LBX2: variants seen among roughly 807,000 people sequenced by gnomAD.
The protein encoded by LBX2 is transcription factor LBX2.
LBX2 carries 6 observed loss-of-function variants against 7.5 expected under a neutral mutation model. The ratio of observed to expected loss-of-function variants is 0.80; its 90% confidence interval spans 0.44 to 1.59. The LOEUF (loss-of-function observed/expected upper bound fraction) is 1.59. LBX2 is among the 40% of genes most tolerant of loss of function. The pLI, the probability that LBX2 is intolerant of heterozygous loss-of-function variation, is 0.01. For synonymous variants in LBX2, 143 were observed against 133.2 expected (o/e 1.07, Z -0.51); for missense variants, 281 against 282.0 (o/e 1.00, Z 0.03).
Position 74,499,356 on chromosome 2 carries a change from G to T in LBX2, c.182C>A (p.Ala61Glu). ...ACCTTCAGAGGGCTGCAGAGCGCGC[G>T]CGTCAAGTCCGCGGAAAGTTTTACT... Reference protein sequence around the residue: ...LTSKTFRGLDARALQPSEGRA... With the variant: ...LTSKTFRGLDERALQPSEGRA... The change falls in exon 1 of 2, where the codon GCG (alanine) becomes GAG (glutamate). Residue 61 changes from alanine (A) to glutamate (E), a missense_variant. Around this residue, in one of 3 missense-constraint regions of LBX2, gnomAD observed 216 missense variants for 208.7 expected, o/e 1.03. Transcript: ENST00000377566. This position sits in a 1 kb window ranked among gnomAD's most constrained non-coding sequence, Gnocchi z 4.6. The T allele has an allele frequency of 6.4e-7, 1 of 1,550,620 alleles. No homozygotes were observed. The highest frequency in any genetic ancestry group is 8.7e-7 in the Non-Finnish European group (1 of 1,146,988).
At chr2:74,502,377 G>A (rs1674502556), upstream of LBX2, 1 of 452,652 alleles carries the variant, frequency 2.2e-6, no homozygotes, top group Non-Finnish European at 3.9e-6. This position sits in a 1 kb window ranked among gnomAD's most constrained non-coding sequence, Gnocchi z 5.4. Flanking sequence ...TGCCGGCCCG[G>A]ACATTCCACT....
chr2:74,503,181 TCTCC>T (rs1650051688), upstream of LBX2: 2 of 301,936 alleles, frequency 6.6e-6, no homozygotes, highest in South Asian at 1.2e-4. This position sits in a 1 kb window ranked among gnomAD's most constrained non-coding sequence, Gnocchi z 5.1. Flanking sequence ...TGGGCGTGAT[TCTCC>T]CTCCCTGGCA....
At chr2:74,500,267 C>G (rs539474729), upstream of LBX2, among the ~76,000 whole-genome samples, 26 of 152,074 alleles carry the variant, frequency 1.7e-4, no homozygotes, top group South Asian at 2.9e-3. Flanking sequence ...GAGAAGCTGC[C>G]GGGAGACCCG....
chr2:74,502,043 T>G (rs1478101918), upstream of LBX2: 1 of 151,652 alleles, frequency 6.6e-6, no homozygotes, highest in Non-Finnish European at 1.5e-5. The surrounding 1 kb of genome is among the most constrained non-coding windows in gnomAD (Gnocchi z 5.4). Flanking sequence ...GTTTTCCTTT[T>G]CAGGCAGTCT....
At position 74,499,421 on chromosome 2, in the gene LBX2, C is replaced by G. The variant is rs1175547721; in HGVS notation, c.117G>C (p.Pro39=). The change falls in exon 1 of 2, where the codon CCG becomes CCC. Residue 39 remains proline, a synonymous_variant. Coordinates refer to ENST00000377566, the MANE Select transcript of LBX2 (RefSeq NM_001282430.2). The surrounding 1 kb of genome is among the most constrained non-coding windows in gnomAD (Gnocchi z 4.6). ...PSAPQLPESG[P]GPTSPLCALE... is the part of the protein sequence containing the mutation. ...GCGCGCACAGCGGCGACGTTGGACCCGGACCCGACTCTGGAAGCTGCGGCG... is the reference window on the plus strand; with the variant it reads ...GCGCGCACAGCGGCGACGTTGGACCGGGACCCGACTCTGGAAGCTGCGGCG... 5 of 1,550,630 alleles carry G rather than the reference C, an allele frequency of 3.2e-6. 1 individual carries two copies. Among genetic ancestry groups the G allele is most frequent in the South Asian group, 2.4e-5 (2 of 84,068 alleles).
chr2:74,499,561 G>C lies in LBX2; in HGVS notation c.-24C>G, dbSNP rs894571027. 1.9e-6 allele frequency: 3 copies of C among 1,540,132 alleles called. No individual in the cohort carries two copies. The highest frequency in any genetic ancestry group is 2.6e-6 in the Non-Finnish European group (3 of 1,140,328). ...ATGGTCGGCCGGGCTGGGGCGGTCC[G>C]GCTGTCCGTTGCGCTAGGCTCCGCA... On this transcript the variant is annotated 5_prime_UTR_variant, in exon 1 of 2. Transcript: ENST00000377566. This position sits in a 1 kb window ranked among gnomAD's most constrained non-coding sequence, Gnocchi z 4.6.
At position 74,499,589 on chromosome 2, in the gene LBX2, C is replaced by G; in HGVS notation, c.-52G>C. On this transcript the variant is annotated 5_prime_UTR_variant, in exon 1 of 2. Coordinates refer to ENST00000377566, the MANE Select transcript of LBX2 (RefSeq NM_001282430.2). This position sits in a 1 kb window ranked among gnomAD's most constrained non-coding sequence, Gnocchi z 4.6. ...TGTCCGTTGCGCTAGGCTCCGCAAA[C>G]GCCTGGGCCCCAGTGCTCGGCTCCC... The G allele has an allele frequency of 6.6e-7, 1 of 1,511,484 alleles. No homozygotes were observed. Among genetic ancestry groups the G allele is most frequent in the Non-Finnish European group, 8.9e-7 (1 of 1,122,068 alleles). The allele number at this position is 1,511,484 out of a possible 1,614,324, so 93.6% of individuals were successfully genotyped here. A position where few individuals can be genotyped will look rare whatever the true frequency, so the allele number is the denominator to read the frequency against.
upstream of LBX2, chr2:74,502,633 G>A (rs749890189): frequency 6.2e-7 from 1 of 1,600,526 alleles, no homozygotes; most frequent in South Asian, 1.1e-5. This position sits in a 1 kb window ranked among gnomAD's most constrained non-coding sequence, Gnocchi z 5.4. Flanking sequence ...CGCTACTGCG[G>A]AGTGAACCGG....
At chr2:74,498,881 C>T (rs929266726) in intron 1 of LBX2, 35 of 212,122 alleles carry the variant, frequency 1.6e-4, no homozygotes, top group Non-Finnish European at 2.7e-4. Flanking sequence ...AGTGCTGCGC[C>T]AAGGGCTTTC....
upstream of LBX2, chr2:74,499,681 G>C: frequency 1.2e-6 from 1 of 815,904 alleles, no homozygotes; most frequent in Non-Finnish European, 1.9e-6. This position sits in a 1 kb window ranked among gnomAD's most constrained non-coding sequence, Gnocchi z 4.6. Flanking sequence ...CCCTCCTCCT[G>C]CGCCCCCACC....
At position 74,497,727 on chromosome 2, in the gene LBX2, C is replaced by T; in HGVS notation, c.*200G>A. The T allele has an allele frequency of 1.7e-6, 1 of 593,754 alleles. No homozygotes were observed. The highest frequency in any genetic ancestry group is 2.8e-6 in the Non-Finnish European group (1 of 359,400). 36.8% of individuals were successfully genotyped at this position (593,754 alleles called of 1,614,324 possible). A position where few individuals can be genotyped will look rare whatever the true frequency, so the allele number is the denominator to read the frequency against. On this transcript the variant is annotated 3_prime_UTR_variant, in exon 2 of 2. Transcript: ENST00000377566. ...GAGCGGTGATCGCTCCACGGCACTC[C>T]AGCCTGGGCGACAGAGCGAGGCCCT...
At chr2:74,502,479 C>T (rs911402519), upstream of LBX2, 7 of 612,754 alleles carry the variant, frequency 1.1e-5, no homozygotes, top group South Asian at 2.0e-5. This position sits in a 1 kb window ranked among gnomAD's most constrained non-coding sequence, Gnocchi z 5.4. Flanking sequence ...GAGCTTGCTC[C>T]CCTCCTCCCC....
At chr2:74,502,771 G>A (rs775555349), upstream of LBX2, 1 of 1,614,092 alleles carries the variant, frequency 6.2e-7, no homozygotes, top group Non-Finnish European at 8.5e-7. This position sits in a 1 kb window ranked among gnomAD's most constrained non-coding sequence, Gnocchi z 5.4. Context: ...CCGGGAAGCA[G>A]CCAGCGGTGG....
At position 74,498,025 on chromosome 2, in the gene LBX2, G is replaced by A. The variant is rs1001280809; in HGVS notation, c.499C>T (p.Leu167=). 1 of 1,613,502 alleles carries A rather than the reference G, an allele frequency of 6.2e-7. No individual in the cohort carries two copies. Among genetic ancestry groups the A allele is most frequent in the South Asian group, 1.1e-5 (1 of 91,052 alleles). ...LSPEVLCSLA[L]PEGAPDPGLC... is the part of the protein sequence containing the mutation. ...CCGGGATCTGGAGCGCCTTCGGGCA[G>A]TGCTAAGCTGCACAGGACTTCCGGG... The change falls in exon 2 of 2, where the codon CTG becomes TTG. Residue 167 remains leucine (L), a synonymous_variant. Coordinates refer to ENST00000377566, the MANE Select transcript of LBX2 (RefSeq NM_001282430.2).
In LBX2 at chr2:74,497,838, C is replaced by T; in HGVS notation, c.*89G>A. ...GCCGGAAGAGGCCCAAGTGGACCTC[C>T]TTCCTCCACCCTGGAACTCTGGCCA... On this transcript the variant is annotated 3_prime_UTR_variant, in exon 2 of 2. Coordinates refer to ENST00000377566, the MANE Select transcript of LBX2 (RefSeq NM_001282430.2). 2 of 1,390,880 alleles carry T rather than the reference C, an allele frequency of 1.4e-6. No homozygotes were observed. The highest frequency in any genetic ancestry group is 1.9e-6 in the Non-Finnish European group (2 of 1,048,210). 86.2% of individuals were successfully genotyped at this position (1,390,880 alleles called of 1,614,324 possible).
chr2:74,502,425 G>A (rs1452069389), upstream of LBX2: 3 of 541,446 alleles, frequency 5.5e-6, no homozygotes, highest in African/African-American at 3.9e-5. The surrounding 1 kb of genome is among the most constrained non-coding windows in gnomAD (Gnocchi z 5.4). Context: ...GAGGACCCTC[G>A]GAATAACCCC....
Position 74,499,095 on chromosome 2 carries a change from T to G in LBX2, c.205+238A>C, listed in dbSNP as rs1263400490. ...AGGAACAGAGCAACAGGTCGCTCAGTTGGCGACGGTCTGCCCTTTTCCCTT... is the reference window on the plus strand; with the variant it reads ...AGGAACAGAGCAACAGGTCGCTCAGGTGGCGACGGTCTGCCCTTTTCCCTT... On this transcript the variant is annotated intron_variant, in intron 1 of 1. Transcript: ENST00000377566. The surrounding 1 kb of genome is among the most constrained non-coding windows in gnomAD (Gnocchi z 4.6). 15 of 588,332 alleles carry G rather than the reference T, an allele frequency of 2.5e-5. No individual in the cohort carries two copies. Among genetic ancestry groups the G allele is most frequent in the Admixed American group, 6.0e-5 (2 of 33,302 alleles). 36.4% of individuals were successfully genotyped at this position (588,332 alleles called of 1,614,324 possible).
Position 74,499,556 on chromosome 2 carries a change from G to C in LBX2, c.-19C>G, listed in dbSNP as rs1403450511. 6.5e-7 allele frequency: 1 copy of C among 1,541,376 alleles called. No homozygotes were observed. The highest frequency in any genetic ancestry group is 2.0e-5 in the Admixed American group (1 of 50,826). ...AGTTCATGGTCGGCCGGGCTGGGGC[G>C]GTCCGGCTGTCCGTTGCGCTAGGCT... is the stretch of plus-strand genomic sequence containing the variant. On this transcript the variant is annotated 5_prime_UTR_variant, in exon 1 of 2. Transcript: ENST00000377566. The surrounding 1 kb of genome is among the most constrained non-coding windows in gnomAD (Gnocchi z 4.6).
chr2:74,498,761 G>A, intron 1 of LBX2: 1 of 201,846 alleles, frequency 5.0e-6, no homozygotes, highest in Non-Finnish European at 1.0e-5. Flanking sequence ...GATCGGGTCG[G>A]GCATTCGGTT....
Sources: gnomAD v4.1 joint callset for allele counts (sites outside exome capture counted in the v4.1 genomes callset) on GRCh38, gnomAD v4.1.1 for gene constraint, gnomAD v4.1.1 regional missense constraint, Gnocchi (gnomAD v3.1) non-coding constraint, MANE v1.5 for transcripts, NCBI Gene and HGNC (gene_info 2026-07-23, HGNC 2026-07-21) for gene names.